The following JAM3 variants were observed in gnomAD, a reference collection of about 807,000 sequenced individuals.
The protein encoded by JAM3 is junctional adhesion molecule C.
A neutral mutation model predicts 39.4 loss-of-function variants in JAM3; 31 were observed. The observed-to-expected ratio is 0.79, with a 90% confidence interval of 0.59 to 1.06. The LOEUF is 1.06. Among genes scored for constraint, JAM3 ranks in the 50% least tolerant of loss-of-function variants. JAM3 has a pLI of 0.00. For missense variants in JAM3, 455 were observed against 391.4 expected (o/e 1.16, Z -1.37); for synonymous variants, 182 against 148.7 (o/e 1.22, Z -1.63).
At chr11:134,109,435 A>G (rs180843137) in intron 1 of JAM3, among the ~76,000 whole-genome samples, 1 of 152,356 alleles carries the variant, frequency 6.6e-6, no homozygotes, top group East Asian at 1.9e-4. Flanking sequence ...AAGGCCAAAT[A>G]TAACTGTTGC....
chr11:134,140,836 T>G, intron 3 of JAM3, 66 bp downstream of exon 3: 1 of 1,551,806 alleles, frequency 6.4e-7, no homozygotes, highest in Non-Finnish European at 8.7e-7. Flanking sequence ...TATACACTCT[T>G]GGCCAGAAAC....
Position 134,140,748 on chromosome 11 carries a change from GT to G in JAM3, c.240del (p.Phe80LeufsTer21), listed in dbSNP as rs2120857251. ...KIQDEQTTYV[F>X]FDNKIQGDLA... ...TTCAAGATGAACAAACCACATATGT[GT>G]TTTTTGACAACAAAATTCAGGGTAT... On this transcript the variant is annotated frameshift_variant, in exon 3 of 9. Coordinates refer to ENST00000299106, the MANE Select transcript of JAM3 (RefSeq NM_032801.5). LOFTEE classifies it high-confidence loss of function. The G allele has an allele frequency of 1.2e-6, 2 of 1,613,596 alleles. No individual in the cohort carries two copies. The highest frequency in any genetic ancestry group is 4.5e-5 in the East Asian group (2 of 44,848).
chr11:134,096,125 C>T (rs1055176882), intron 1 of JAM3, among the ~76,000 whole-genome samples: 6 of 152,062 alleles, frequency 3.9e-5, no homozygotes, highest in South Asian at 2.1e-4. Context: ...GACAGGTGCG[C>T]GCCACTACAC....
intron 6 of JAM3, 133 bp from the exon 7 acceptor site, chr11:134,148,414 C>G (rs1294515607): frequency 5.5e-5 from 56 of 1,023,526 alleles, no homozygotes; most frequent in Non-Finnish European, 7.7e-5. Flanking sequence ...GTTCTCTCTT[C>G]TAGCTGGGGT....
At chr11:134,141,150 ATGGACTGAGC>A (rs1942966796) in intron 3 of JAM3, among the ~76,000 whole-genome samples, 1 of 151,998 alleles carries the variant, frequency 6.6e-6, no homozygotes, top group African/African-American at 2.4e-5. Flanking sequence ...CACAGCACAA[ATGGACTGAGC>A]CACCCACTGT....
intron 1 of JAM3, among the ~76,000 whole-genome samples, chr11:134,110,072 C>T (rs1942280192): frequency 6.6e-6 from 1 of 152,148 alleles, no homozygotes; most frequent in Non-Finnish European, 1.5e-5. Context: ...ACCTAATTTG[C>T]ATCATTTAAT....
At chr11:134,100,868 G>A (rs941419557) in intron 1 of JAM3, among the ~76,000 whole-genome samples, 1 of 152,168 alleles carries the variant, frequency 6.6e-6, no homozygotes, top group Non-Finnish European at 1.5e-5. Context: ...ATATTATACT[G>A]CTTCCTTACT....
At chr11:134,069,199 G>A (rs777644657) in intron 1 of JAM3, 40 bp downstream of exon 1, 2 of 1,603,042 alleles carry the variant, frequency 1.2e-6, no homozygotes, top group Non-Finnish European at 1.7e-6. Context: ...ACTAGGGTCT[G>A]GGGGCGACGG....
At chr11:134,145,902 C>A in intron 5 of JAM3, 44 bp from the exon 6 acceptor site, 1 of 1,325,720 alleles carries the variant, frequency 7.5e-7, no homozygotes, top group Non-Finnish European at 1.1e-6. Flanking sequence ...CAGAAATCGG[C>A]CCCATGATGG....
chr11:134,119,177 C>G (rs1272273220), intron 1 of JAM3, among the ~76,000 whole-genome samples: 2 of 152,100 alleles, frequency 1.3e-5, no homozygotes, highest in African/African-American at 4.8e-5. Flanking sequence ...CTGCCCTCCT[C>G]AGTCTCCCAA....
At chr11:134,104,137 A>G (rs9705073) in intron 1 of JAM3, among the ~76,000 whole-genome samples, 4 of 152,258 alleles carry the variant, frequency 2.6e-5, no homozygotes, top group African/African-American at 4.8e-5. Flanking sequence ...ATGTAAAATA[A>G]CAGAAATTAT....
At chr11:134,092,717 A>G (rs535032198) in intron 1 of JAM3, among the ~76,000 whole-genome samples, 1,956 of 130,928 alleles carry the variant, frequency 0.015, 40 homozygotes, top group African/African-American at 0.057. Flanking sequence ...TCCACCTTAC[A>G]TGTCACTTCC....
intron 1 of JAM3, 87 bp from the exon 2 acceptor site, chr11:134,139,764 C>A: frequency 3.0e-6 from 3 of 996,532 alleles, no homozygotes; most frequent in Non-Finnish European, 3.2e-6. Flanking sequence ...CCATAGCCTA[C>A]GCAGACGGGA....
chr11:134,075,899 C>A (rs956874611), intron 1 of JAM3, among the ~76,000 whole-genome samples: 52 of 152,264 alleles, frequency 3.4e-4, no homozygotes, highest in African/African-American at 1.2e-3. Context: ...TTCTGTCCTT[C>A]AATACTGTTA....
intron 1 of JAM3, among the ~76,000 whole-genome samples, chr11:134,134,941 A>G (rs1942836123): frequency 6.6e-6 from 1 of 151,928 alleles, no homozygotes; most frequent in Admixed American, 6.6e-5. Flanking sequence ...ATTTTCTCCC[A>G]TTCTGTATGT....
intron 1 of JAM3, among the ~76,000 whole-genome samples, chr11:134,106,665 G>A (rs1942195336): frequency 6.6e-6 from 1 of 152,090 alleles, no homozygotes; most frequent in African/African-American, 2.4e-5. Flanking sequence ...TCAACAAATG[G>A]GCAAAGAATA....
At chr11:134,147,627 C>CAT (rs1340500224) in intron 6 of JAM3, among the ~76,000 whole-genome samples, 2 of 151,818 alleles carry the variant, frequency 1.3e-5, no homozygotes, top group Non-Finnish European at 2.9e-5. Context: ...GCTGGGACTA[C>CAT]AGGCACCTGC....
chr11:134,087,919 G>A (rs61909677), intron 1 of JAM3, among the ~76,000 whole-genome samples: 1 of 152,112 alleles, frequency 6.6e-6, no homozygotes, highest in Non-Finnish European at 1.5e-5. Context: ...GTGCATTGTA[G>A]GATGTTTAGT....
At chr11:134,104,192 G>A (rs1942135068) in intron 1 of JAM3, among the ~76,000 whole-genome samples, 1 of 152,134 alleles carries the variant, frequency 6.6e-6, no homozygotes, top group South Asian at 2.1e-4. Flanking sequence ...TAGAACTCAG[G>A]ATTAAGAAAC....
Sources: allele counts gnomAD v4.1 joint callset (sites outside exome capture counted in the v4.1 genomes callset), GRCh38; gene constraint gnomAD v4.1.1; transcripts MANE v1.5; gene names NCBI Gene and HGNC (gene_info 2026-07-23, HGNC 2026-07-21).